Variants in CLVS1 observed in about 807,000 individuals in gnomAD.
The protein encoded by CLVS1 is clavesin 1.
A neutral mutation model predicts 33.1 loss-of-function variants in CLVS1; 10 were observed. The observed-to-expected ratio is 0.30, with a 90% CI of 0.19 to 0.51. The LOEUF is 0.51. Among genes scored for constraint, CLVS1 ranks in the 20% least tolerant of loss-of-function variants. CLVS1 has a pLI of 0.97. For missense variants in CLVS1, 343 were observed against 433.4 expected (o/e 0.79, Z 1.85); for synonymous variants, 163 against 166.1 (o/e 0.98, Z 0.14).
chr8:61,085,295 A>G (rs1585598247), intron 1 of CLVS1, among the ~76,000 whole-genome samples: 1 of 152,166 alleles, frequency 6.6e-6, no homozygotes, highest in African/African-American at 2.4e-5. Flanking sequence ...TACAACAACA[A>G]TTATTACTTT....
chr8:61,051,104 G>A, the CLVS1 span, among the ~76,000 whole-genome samples: 2 of 152,200 alleles, frequency 1.3e-5, no homozygotes, highest in Non-Finnish European at 2.9e-5. Flanking sequence ...CACCTGTCAC[G>A]TTGCAGATTC....
At chr8:60,966,556 G>A in the CLVS1 span, 1 of 290,312 alleles carries the variant, frequency 3.4e-6, no homozygotes, top group African/African-American at 2.2e-5. Context: ...AGATTCATGT[G>A]GAAATAAACA....
intron 2 of CLVS1, among the ~76,000 whole-genome samples, chr8:61,330,506 G>C (rs985583074): frequency 2.6e-5 from 4 of 152,152 alleles, no homozygotes; most frequent in African/African-American, 7.2e-5. Flanking sequence ...CAATGTAAGG[G>C]ACCAGTGTGT....
chr8:61,012,746 C>T, the CLVS1 span, among the ~76,000 whole-genome samples: 2 of 152,198 alleles, frequency 1.3e-5, no homozygotes, highest in Admixed American at 1.3e-4. Context: ...CCCACTGCCT[C>T]CATCATCACC....
At chr8:61,430,867 T>C (rs940614968) in intron 3 of CLVS1, among the ~76,000 whole-genome samples, 3 of 152,200 alleles carry the variant, frequency 2.0e-5, no homozygotes, top group Non-Finnish European at 4.4e-5. Context: ...CTTCTGTTCT[T>C]ATTTTCTTCT....
intron 2 of CLVS1, among the ~76,000 whole-genome samples, chr8:61,276,421 A>G (rs1809562617): frequency 6.6e-6 from 1 of 152,250 alleles, no homozygotes; most frequent in Non-Finnish European, 1.5e-5. Flanking sequence ...TGAGTTAGAA[A>G]GATTGCTCAA....
chr8:61,292,866 T>C (rs996121996), intron 1 of CLVS1, among the ~76,000 whole-genome samples: 2 of 152,210 alleles, frequency 1.3e-5, no homozygotes, highest in Non-Finnish European at 2.9e-5. Context: ...CCTTGCATTA[T>C]TTGCCCCAAA....
At chr8:61,453,750 A>T (rs557592433) in intron 3 of CLVS1, among the ~76,000 whole-genome samples, 1 of 152,226 alleles carries the variant, frequency 6.6e-6, no homozygotes, top group Admixed American at 6.5e-5. Context: ...GGAGAGTGGA[A>T]ATGAGGATAA....
Position 61,292,302 on chromosome 8 carries a change from G to A in CLVS1, c.-152+4164G>A, listed in dbSNP as rs866651154. ...ACCTCACCCTTAAGCTTGCTGATGTGTTTTACTTTTCCCAGGCAGTTTTCT... is the reference window on the plus strand; with the variant it reads ...ACCTCACCCTTAAGCTTGCTGATGTATTTTACTTTTCCCAGGCAGTTTTCT... On this transcript the variant is annotated intron_variant, in intron 1 of 5. Transcript: ENST00000325897. 2.9e-5 allele frequency: 13 copies of A among 455,984 alleles called. No individual in the cohort carries two copies. In the Middle Eastern group the frequency reaches 1.6e-3, roughly 57 times the overall value. The allele number at this position is 455,984 out of a possible 1,614,324, so 28.2% of individuals were successfully genotyped here. A position where few individuals can be genotyped will look rare whatever the true frequency, so the allele number is the denominator to read the frequency against.
intron 2 of CLVS1, among the ~76,000 whole-genome samples, chr8:61,203,592 G>T (rs1807782852): frequency 6.6e-6 from 1 of 151,992 alleles, no homozygotes. Context: ...AATGTTGCTT[G>T]TAGGATAAGT....
intron 3 of CLVS1, among the ~76,000 whole-genome samples, chr8:61,399,653 T>C (rs1226447793): frequency 6.6e-6 from 1 of 152,140 alleles, no homozygotes; most frequent in Non-Finnish European, 1.5e-5. Context: ...TCTTCTAGGG[T>C]TTTTATAGTT....
chr8:61,140,755 A>T (rs554918860), intron 2 of CLVS1, among the ~76,000 whole-genome samples: 1 of 151,858 alleles, frequency 6.6e-6, no homozygotes, highest in South Asian at 2.1e-4. Flanking sequence ...TTTAGTAGAG[A>T]TGGGGTTTCA....
intron 2 of CLVS1, among the ~76,000 whole-genome samples, chr8:61,174,519 T>A (rs1807075070): frequency 6.6e-6 from 1 of 152,184 alleles, no homozygotes; most frequent in South Asian, 2.1e-4. Context: ...GAAAAAATGA[T>A]AATGTGCAAA....
At chr8:61,493,546 T>G (rs905208412) in intron 5 of CLVS1, among the ~76,000 whole-genome samples, 1 of 152,136 alleles carries the variant, frequency 6.6e-6, no homozygotes, top group African/African-American at 2.4e-5. Context: ...TCACCCAAGA[T>G]CACAAAGCAA....
chr8:61,277,781 A>G (rs1329927350), intron 2 of CLVS1, among the ~76,000 whole-genome samples: 2 of 152,180 alleles, frequency 1.3e-5, no homozygotes, highest in Non-Finnish European at 2.9e-5. Flanking sequence ...GACACGAAAG[A>G]CAGATTAATG....
In CLVS1 at chr8:61,353,858, A is replaced by G. The variant is rs746835141; in HGVS notation, c.456-22747A>G. Among the ~76,000 whole-genome samples the G allele has an allele frequency of 3.0e-4, 46 of 152,160 alleles. No homozygotes were observed. The Middle Eastern group carries it at 0.014, about 45-fold the overall frequency. ...ACCTCTAGCTAGACTGACAATAATAAAAAGAGAGAAAACACAAATTAGCAA... is the reference window on the plus strand; with the variant it reads ...ACCTCTAGCTAGACTGACAATAATAGAAAGAGAGAAAACACAAATTAGCAA... On this transcript the variant is annotated intron_variant, in intron 2 of 5. Coordinates refer to ENST00000325897, the MANE Select transcript of CLVS1 (RefSeq NM_173519.3).
At chr8:61,172,148 G>A (rs1392069238) in intron 2 of CLVS1, among the ~76,000 whole-genome samples, 1 of 152,102 alleles carries the variant, frequency 6.6e-6, no homozygotes, top group East Asian at 1.9e-4. Flanking sequence ...TCAATATATT[G>A]TTGTTTCGTT....
chr8:61,415,275 G>A (rs1815385797), intron 3 of CLVS1, among the ~76,000 whole-genome samples: 1 of 152,238 alleles, frequency 6.6e-6, no homozygotes, highest in African/African-American at 2.4e-5. Context: ...CAGCCTCTGA[G>A]TGGTGGCCCA....
At chr8:61,259,573 A>G (rs972375592) in intron 2 of CLVS1, among the ~76,000 whole-genome samples, 2 of 152,202 alleles carry the variant, frequency 1.3e-5, no homozygotes, top group African/African-American at 2.4e-5. Flanking sequence ...GGCTTTTAGG[A>G]CAAAATCGAA....
Sources: allele counts gnomAD v4.1 joint callset (sites outside exome capture counted in the v4.1 genomes callset), GRCh38; gene constraint gnomAD v4.1.1; transcripts MANE v1.5; gene names NCBI Gene and HGNC (gene_info 2026-07-23, HGNC 2026-07-21).